Variants in CLYBL observed in about 807,000 individuals in gnomAD.
The protein encoded by CLYBL is citramalyl-CoA lyase, mitochondrial.
A neutral mutation model predicts 38.9 loss-of-function variants in CLYBL; 31 were observed. The observed-to-expected ratio is 0.80, with a 90% CI of 0.60 to 1.08. The LOEUF (loss-of-function observed/expected upper bound fraction) is 1.08, where lower values mean the gene tolerates loss of function less well. Among genes scored for constraint, CLYBL ranks in the 50% least tolerant of loss-of-function variants. The pLI, the probability that CLYBL is intolerant of heterozygous loss-of-function variation, is 0.00. For synonymous variants in CLYBL, 171 were observed against 158.6 expected (o/e 1.08, Z -0.59); for missense variants, 434 against 411.6 (o/e 1.05, Z -0.47).
chr13:99,904,709 G>C (rs1479071677), intron 8 of CLYBL, among the ~76,000 whole-genome samples: 1 of 152,144 alleles, frequency 6.6e-6, no homozygotes, highest in Admixed American at 6.6e-5. Flanking sequence ...AAGCATATAA[G>C]TAAAAAGCAG....
chr13:99,864,839 A>G lies in CLYBL; in HGVS notation c.562A>G (p.Lys188Glu), dbSNP rs1223933069. 6.2e-7 allele frequency: 1 copy of G among 1,613,840 alleles called. No homozygotes were observed. Among genetic ancestry groups the G allele is most frequent in the Non-Finnish European group, 8.5e-7 (1 of 1,179,830 alleles). The change falls in exon 5 of 9, where the codon AAG (lysine) becomes GAG (glutamate). Residue 188 changes from lysine (K) to glutamate (E), a missense_variant. Lys to Glu is a moderately conservative substitution (Grantham distance 56, BLOSUM62 1). Coordinates refer to ENST00000339105, the MANE Select transcript of CLYBL (RefSeq NM_206808.5). ...NFKAVCEETL[K>E]VGPQVGLFLD... Reference sequence around the variant, plus strand: ...ACAGGCAGTGTGTGAAGAAACCCTGAAGGTCGGGCCTCAAGTAGGTCTCTT... The same window carrying G: ...ACAGGCAGTGTGTGAAGAAACCCTGGAGGTCGGGCCTCAAGTAGGTCTCTT...
rs187000452 is a variant in CLYBL at position 99,816,284 on chromosome 13, A to G, written c.250-42577A>G. Reference sequence around the variant, plus strand: ...GAGAAGATTTAACATCAAAATGCCAACCTTGGGACAGATATCTGTTTTCCA... The same window carrying G: ...GAGAAGATTTAACATCAAAATGCCAGCCTTGGGACAGATATCTGTTTTCCA... On this transcript the variant is annotated intron_variant, in intron 2 of 8. Transcript: ENST00000339105. 2.4e-3 allele frequency among the ~76,000 whole-genome samples: 365 copies of G among 152,324 alleles called. 1 individual carries two copies. Among genetic ancestry groups the G allele is most frequent in the Non-Finnish European group, 3.9e-3 (262 of 68,024 alleles).
intron 1 of CLYBL, among the ~76,000 whole-genome samples, chr13:99,696,846 G>T (rs1044771145): frequency 2.0e-5 from 3 of 151,918 alleles, no homozygotes; most frequent in Non-Finnish European, 1.5e-5. Context: ...AAAAGAAAAA[G>T]ATGAAAAGAA....
At chr13:99,753,494 T>A (rs118124241) in intron 1 of CLYBL, among the ~76,000 whole-genome samples, 378 of 152,170 alleles carry the variant, frequency 2.5e-3, no homozygotes, top group Non-Finnish European at 3.0e-3. Context: ...AGCTCTCCAG[T>A]TTGTAATGTA....
chr13:99,866,123 G>T, intron 5 of CLYBL, 117 bp from the exon 6 acceptor site: 1 of 990,936 alleles, frequency 1.0e-6, no homozygotes, highest in Non-Finnish European at 1.5e-6. Context: ...TTTATTTTGC[G>T]GAGGAGCAAT....
At chr13:99,904,828 TG>T (rs1179953699) in intron 8 of CLYBL, among the ~76,000 whole-genome samples, 1 of 151,962 alleles carries the variant, frequency 6.6e-6, no homozygotes, top group Non-Finnish European at 1.5e-5. Context: ...AAGGCAGAGG[TG>T]AGCGTAGCTG....
intron 3 of CLYBL, among the ~76,000 whole-genome samples, chr13:99,860,839 T>G (rs2139206784): frequency 1.3e-5 from 2 of 152,406 alleles, no homozygotes; most frequent in South Asian, 4.1e-4. Flanking sequence ...TTGTTTTCTT[T>G]TGTGTGAGAA....
At chr13:99,641,315 A>G (rs1473699181) in intron 1 of CLYBL, among the ~76,000 whole-genome samples, 1 of 152,218 alleles carries the variant, frequency 6.6e-6, no homozygotes, top group Admixed American at 6.5e-5. Flanking sequence ...TAAGTTTGGT[A>G]TTGACATTGT....
rs555579936 is a variant in CLYBL, at chr13:99,628,791, T to C, written c.62+22034T>C. Among the ~76,000 whole-genome samples the C allele has an allele frequency of 4.6e-5, 7 of 152,318 alleles. No individual in the cohort carries two copies. In the South Asian group the frequency reaches 1.4e-3, roughly 32 times the overall value. On this transcript the variant is annotated intron_variant, in intron 1 of 8. Coordinates refer to ENST00000339105, the MANE Select transcript of CLYBL (RefSeq NM_206808.5). ...GTGGGCAAATCCCAAGAAACATCTGTCTATAAAAGGCAGGTACAATGGCCA... is the reference window on the plus strand; with the variant it reads ...GTGGGCAAATCCCAAGAAACATCTGCCTATAAAAGGCAGGTACAATGGCCA...
intron 2 of CLYBL, among the ~76,000 whole-genome samples, chr13:99,816,187 A>G (rs970256420): frequency 4.6e-5 from 7 of 152,256 alleles, no homozygotes; most frequent in Non-Finnish European, 5.9e-5. Flanking sequence ...TATATTTGGC[A>G]TAAACAACAG....
chr13:99,684,186 A>ATTTTT (rs965852345), intron 1 of CLYBL, among the ~76,000 whole-genome samples: 10 of 108,026 alleles, frequency 9.3e-5, no homozygotes, highest in African/African-American at 3.8e-4. Flanking sequence ...GGCATGTTTG[A>ATTTTT]TTTTTTTTTT....
chr13:99,717,494 C>G (rs1193619226), intron 1 of CLYBL, among the ~76,000 whole-genome samples: 3 of 147,832 alleles, frequency 2.0e-5, no homozygotes, highest in African/African-American at 7.5e-5. Context: ...GGGTCTCGGT[C>G]TGTTGCCTAG....
intron 2 of CLYBL, among the ~76,000 whole-genome samples, chr13:99,845,762 C>A (rs1383962094): frequency 2.0e-5 from 3 of 152,074 alleles, no homozygotes; most frequent in Non-Finnish European, 2.9e-5. Flanking sequence ...GCTGGGGGGC[C>A]CTTAGCTGTA....
At chr13:99,824,257 G>GCCCCCCCCC in intron 2 of CLYBL, among the ~76,000 whole-genome samples, 691 of 130,440 alleles carry the variant, frequency 5.3e-3, no homozygotes, top group Non-Finnish European at 7.1e-3. Flanking sequence ...CTGACTAATA[G>GCCCCCCCCC]CCCCCCCCAC....
At chr13:99,829,002 G>A (rs2050752013) in intron 2 of CLYBL, among the ~76,000 whole-genome samples, 1 of 152,200 alleles carries the variant, frequency 6.6e-6, no homozygotes, top group Non-Finnish European at 1.5e-5. Flanking sequence ...TCTGAAGCCA[G>A]CAGCCATGCA....
intron 1 of CLYBL, among the ~76,000 whole-genome samples, chr13:99,611,207 A>C (rs1332804416): frequency 1.3e-5 from 2 of 152,162 alleles, no homozygotes; most frequent in Non-Finnish European, 2.9e-5. Context: ...AATGATCCCT[A>C]TATTGCTGCA....
intron 1 of CLYBL, among the ~76,000 whole-genome samples, chr13:99,741,472 G>A (rs11616808): frequency 0.056 from 8,559 of 152,250 alleles, 284 homozygotes; most frequent in East Asian, 0.11. Context: ...GATACTTGAA[G>A]GCTGACTGCT....
At chr13:99,903,692 C>G (rs2052665381) in intron 8 of CLYBL, among the ~76,000 whole-genome samples, 1 of 152,172 alleles carries the variant, frequency 6.6e-6, no homozygotes, top group South Asian at 2.1e-4. Context: ...GCCCAAAATA[C>G]TCCGTGAGGT....
In CLYBL at chr13:99,609,169, G is replaced by GTTTTT. The variant is rs58873910; in HGVS notation, c.62+2434_62+2438dup. 6.6e-5 allele frequency among the ~76,000 whole-genome samples: 3 copies of GTTTTT among 45,788 alleles called. 1 individual carries two copies. In the East Asian group the frequency reaches 2.7e-3, roughly 42 times the overall value. 30.0% of individuals were successfully genotyped at this position (45,788 alleles called of 152,430 possible). A position where few individuals can be genotyped will look rare whatever the true frequency, so the allele number is the denominator to read the frequency against. On this transcript the variant is annotated intron_variant, in intron 1 of 8. Transcript: ENST00000339105. Reference sequence around the variant, plus strand: ...GGACAATGTCAATTGACCTGTCTTTGTTTTTTTTTTTTTTTTTTTTTTTTT... The same window carrying GTTTTT: ...GGACAATGTCAATTGACCTGTCTTTGTTTTTTTTTTTTTTTTTTTTTTTTTTTTTT...
Sources: gnomAD v4.1 joint callset for allele counts (sites outside exome capture counted in the v4.1 genomes callset) on GRCh38, gnomAD v4.1.1 for gene constraint, MANE v1.5 for transcripts, NCBI Gene and HGNC (gene_info 2026-07-23, HGNC 2026-07-21) for gene names.